Variants in NFASC observed in about 807,000 individuals in gnomAD.
The protein encoded by NFASC is neurofascin homolog.
NFASC carries 43 observed loss-of-function variants against 147.5 expected under a neutral mutation model. The observed-to-expected ratio is 0.29, with a 90% CI of 0.23 to 0.38. NFASC has a LOEUF of 0.38. Among genes scored for constraint, NFASC ranks in the 10% least tolerant of loss-of-function variants. The probability of loss-of-function intolerance (pLI) is 1.00; values close to 1 mark genes in which losing one functional copy is unlikely to be tolerated. For missense variants in NFASC, 1,320 were observed against 1,689.0 expected, an observed-to-expected ratio of 0.78 and a Z score of 3.83; for synonymous variants, 622 against 665.5, an observed-to-expected ratio of 0.93 and a Z score of 1.01.
chr1:204,905,504 T>C (rs1021611287), intron 1 of NFASC, among the ~76,000 whole-genome samples: 5 of 152,210 alleles, frequency 3.3e-5, no homozygotes, highest in Admixed American at 6.5e-5. Flanking sequence ...TGTATCTTCT[T>C]GGGAGAAGTA....
At chr1:204,881,690 C>T (rs2148887843) in intron 1 of NFASC, among the ~76,000 whole-genome samples, 1 of 152,276 alleles carries the variant, frequency 6.6e-6, no homozygotes, top group Non-Finnish European at 1.5e-5. Context: ...AAGGAAAAAC[C>T]CATCAGTCCC....
Position 204,929,715 on chromosome 1 carries a change from C to T in NFASC, c.-91+8975C>T, listed in dbSNP as rs541049251. ...CTGGGGAATGGGAGCTGGGGAGTCG[C>T]TCCCTGGGGAATGGGAGCTGGGGAG... is the stretch of plus-strand genomic sequence containing the variant. On this transcript the variant is annotated intron_variant, in intron 2 of 29. Coordinates refer to ENST00000339876, the MANE Select transcript of NFASC (RefSeq NM_001005388.3). Among the ~76,000 whole-genome samples the T allele has an allele frequency of 9.3e-4, 141 of 152,338 alleles. 6 individuals are homozygous for T. In the South Asian group the frequency reaches 0.028, roughly 30 times the overall value.
chr1:204,935,399 T>C (rs2595957), intron 2 of NFASC, among the ~76,000 whole-genome samples: 53,026 of 152,080 alleles, frequency 0.35, 9,963 homozygotes, highest in Non-Finnish European at 0.43. Context: ...GGGAAAGCTT[T>C]GTCATGAGTG....
intron 21 of NFASC, among the ~76,000 whole-genome samples, chr1:204,983,700 C>T (rs1320905565): frequency 6.6e-6 from 1 of 152,130 alleles, no homozygotes; most frequent in Non-Finnish European, 1.5e-5. Context: ...TAAGGTCCAG[C>T]GAGGGCAGCC....
rs548201033 is a variant in NFASC, at chr1:204,972,815, T to C, written c.1136-461T>C. ...CGATTAAAATGATAATAACAGTATGTGTTAGACCTTCTGTTCATCATTTTG... is the reference window on the plus strand; with the variant it reads ...CGATTAAAATGATAATAACAGTATGCGTTAGACCTTCTGTTCATCATTTTG... On this transcript the variant is annotated intron_variant, in intron 11 of 29. Transcript: ENST00000339876. 2.6e-5 allele frequency among the ~76,000 whole-genome samples: 4 copies of C among 152,340 alleles called. 1 individual carries two copies. The highest frequency in any genetic ancestry group is 1.3e-4 in the Admixed American group (2 of 15,308).
chr1:204,997,807 G>C (rs751810803), intron 25 of NFASC: 5 of 323,044 alleles, frequency 1.5e-5, no homozygotes, highest in African/African-American at 2.1e-5. Context: ...GTGAGGAGGG[G>C]AAAAGGACCA....
Position 205,022,533 on chromosome 1 carries a change from G to A in NFASC, c.*5994G>A, listed in dbSNP as rs1376480316. ...CCATTGGTTAAACATTTAACTCCAT[G>A]CCAGACCTTGTTTTAACCCCTCTCA... On this transcript the variant is annotated 3_prime_UTR_variant, in exon 30 of 30. Transcript: ENST00000339876. 6.6e-6 allele frequency: 1 copy of A among 152,478 alleles called. No homozygotes were observed. The highest frequency in any genetic ancestry group is 1.5e-5 in the Non-Finnish European group (1 of 68,038). The allele number at this position is 152,478 out of a possible 1,614,324, so 9.4% of individuals were successfully genotyped here. A position where few individuals can be genotyped will look rare whatever the true frequency, so the allele number is the denominator to read the frequency against.
At position 204,996,735 on chromosome 1, in the gene NFASC, C is replaced by T. The variant is rs182936852; in HGVS notation, c.2783-435C>T. 2.6e-5 allele frequency among the ~76,000 whole-genome samples: 4 copies of T among 152,162 alleles called. No individual in the cohort carries two copies. In the East Asian group the frequency reaches 7.7e-4, roughly 29 times the overall value. ...ACTCTAGGCCTCTGCTGGACAGGGC[C>T]CCACCGCCTGCCCACCTCTAGGCTG... is the stretch of plus-strand genomic sequence containing the variant. On this transcript the variant is annotated intron_variant, in intron 24 of 29. Transcript: ENST00000339876.
At chr1:204,908,616 C>T (rs1268336851) in intron 1 of NFASC, among the ~76,000 whole-genome samples, 1 of 152,076 alleles carries the variant, frequency 6.6e-6, no homozygotes. Flanking sequence ...AGTACAATAT[C>T]ACAACCAGGA....
intron 29 of NFASC, 76 bp downstream of exon 29, chr1:205,012,942 G>C: frequency 9.7e-7 from 1 of 1,033,138 alleles, no homozygotes. Context: ...CCTCAGAGTA[G>C]CTCCGCTTGG....
chr1:204,904,784 T>C (rs2085420339), intron 1 of NFASC, among the ~76,000 whole-genome samples: 1 of 152,226 alleles, frequency 6.6e-6, no homozygotes, highest in Non-Finnish European at 1.5e-5. Context: ...TTAATCATAA[T>C]TGTTGGTTCA....
At chr1:204,918,627 C>T (rs1386605774) in intron 1 of NFASC, among the ~76,000 whole-genome samples, 1 of 150,048 alleles carries the variant, frequency 6.7e-6, no homozygotes, top group East Asian at 1.9e-4. Flanking sequence ...GCCCTGTCAC[C>T]CAGGCTGGAG....
intron 27 of NFASC, chr1:205,009,191 TTCCATGGCCAA>T: frequency 2.7e-6 from 1 of 372,580 alleles, no homozygotes; most frequent in Middle Eastern, 3.7e-4. Flanking sequence ...GGAATCATAC[TTCCATGGCCAA>T]TCCGTGGCCA....
chr1:205,002,241 G>C (rs1198954851), intron 26 of NFASC, among the ~76,000 whole-genome samples: 1 of 152,214 alleles, frequency 6.6e-6, no homozygotes, highest in African/African-American at 2.4e-5. Flanking sequence ...GCCCTCACCA[G>C]CCAGATCCAT....
At chr1:204,858,731 G>A (rs970196581) in intron 1 of NFASC, among the ~76,000 whole-genome samples, 23 of 152,146 alleles carry the variant, frequency 1.5e-4, no homozygotes, top group African/African-American at 4.3e-4. Context: ...GGCTTTTTGC[G>A]GAGTGGAGAC....
chr1:204,841,361 C>T lies in NFASC; in HGVS notation c.-200+12579C>T, dbSNP rs141481846. On this transcript the variant is annotated intron_variant, in intron 1 of 29. Transcript: ENST00000339876. ...CATTGGGAAACTCTGGGTTCCAGCA[C>T]GAGTTGATGATCCCTTTGTTTGAGA... Among the ~76,000 whole-genome samples the T allele has an allele frequency of 1.2e-3, 186 of 152,324 alleles. 1 individual carries two copies. Among genetic ancestry groups the T allele is most frequent in the African/African-American group, 4.2e-3 (174 of 41,574 alleles).
chr1:204,982,687 C>T (rs1029169255), intron 21 of NFASC, among the ~76,000 whole-genome samples: 1 of 152,232 alleles, frequency 6.6e-6, no homozygotes, highest in Admixed American at 6.5e-5. Context: ...GTGGTGGCCT[C>T]TCTGTCCCCA....
intron 19 of NFASC, among the ~76,000 whole-genome samples, chr1:204,980,015 C>G (rs1475662567): frequency 1.3e-5 from 2 of 152,160 alleles, no homozygotes. Flanking sequence ...ATGTTAAATG[C>G]CAGGGATAAG....
At chr1:204,915,123 C>CA (rs1332140544) in intron 1 of NFASC, among the ~76,000 whole-genome samples, 2 of 151,686 alleles carry the variant, frequency 1.3e-5, no homozygotes, top group Admixed American at 6.6e-5. Context: ...ACTAAAAATA[C>CA]AAAAAAATTA....
Sources: allele counts gnomAD v4.1 joint callset (sites outside exome capture counted in the v4.1 genomes callset), GRCh38; gene constraint gnomAD v4.1.1; transcripts MANE v1.5; gene names NCBI Gene and HGNC (gene_info 2026-07-23, HGNC 2026-07-21).